The following REXO4 variants were observed in gnomAD, a reference collection of about 807,000 sequenced individuals.
REXO4 encodes RNA exonuclease 4.
Under a neutral mutation model 39.9 loss-of-function variants are expected in REXO4, and 29 were observed. The observed-to-expected ratio is 0.73, with a 90% CI of 0.54 to 0.99. The LOEUF (loss-of-function observed/expected upper bound fraction) is 0.99. Among genes scored for constraint, REXO4 ranks in the 50% least tolerant of loss-of-function variants. The pLI is 0.00. For synonymous variants in REXO4, 184 were observed against 206.2 expected, an observed-to-expected ratio of 0.89 and a Z score of 0.92; for missense variants, 524 against 546.5, an observed-to-expected ratio of 0.96 and a Z score of 0.41.
rs71503345 is a variant in REXO4 at position 133,408,934 on chromosome 9, T to TTGTGTGTGTGTGTGTG, written c.1000-108_1000-93dup. The TTGTGTGTGTGTGTGTG allele has an allele frequency of 2.6e-4, 85 of 322,006 alleles. 2 individuals are homozygous for TTGTGTGTGTGTGTGTG. Among genetic ancestry groups the TTGTGTGTGTGTGTGTG allele is most frequent in the African/African-American group, 2.2e-3 (64 of 29,416 alleles). 19.9% of individuals were successfully genotyped at this position (322,006 alleles called of 1,614,324 possible). A position where few individuals can be genotyped will look rare whatever the true frequency, so the allele number is the denominator to read the frequency against. On this transcript the variant is annotated intron_variant, in intron 5 of 7. Transcript: ENST00000371942. ...CCGCCACCTTTTGCAAGTAACATCTTTGTGTGTGTGTGTGTGTGTGTGTGT... is the reference window on the plus strand; with the variant it reads ...CCGCCACCTTTTGCAAGTAACATCTTTGTGTGTGTGTGTGTGTGTGTGTGTGTGTGTGTGTGTGTGT...
At chr9:133,407,262 G>C (rs1023755208) in intron 7 of REXO4, among the ~76,000 whole-genome samples, 190 bp from the exon 8 acceptor site, 6 of 152,130 alleles carry the variant, frequency 3.9e-5, no homozygotes, top group African/African-American at 1.4e-4. Context: ...ACGACCTGAT[G>C]GTCCCCACAC....
rs782051748 is a variant in REXO4, at chr9:133,407,873, C to A, written c.1083G>T (p.Arg361Ser). 3.1e-6 allele frequency: 5 copies of A among 1,613,618 alleles called. No homozygotes were observed. Among genetic ancestry groups the A allele is most frequent in the Non-Finnish European group, 4.2e-6 (5 of 1,179,828 alleles). The change falls in exon 7 of 8, where the codon AGG (arginine) becomes AGT (serine). Residue 361 changes from arginine (R) to serine (S), a missense_variant. Arg to Ser is a moderately radical substitution (Grantham distance 110). Coordinates refer to ENST00000371942, the MANE Select transcript of REXO4 (RefSeq NM_020385.4). Reference sequence around the variant, plus strand: ...TCTCTGAAAGTAGTCTCAGAGACGGCCTTCCACTCTGCAAAGGGGGAAGAG... The same window carrying A: ...TCTCTGAAAGTAGTCTCAGAGACGGACTTCCACTCTGCAAAGGGGGAAGAG... ...KPFKSQVKSG[R>S]PSLRLLSEKI...
At chr9:133,407,291 C>T (rs1389571302) in intron 7 of REXO4, among the ~76,000 whole-genome samples, 59 of 152,138 alleles carry the variant, frequency 3.9e-4, no homozygotes, top group Non-Finnish European at 1.5e-5. Flanking sequence ...CTCAGACACC[C>T]CTCCCAGGAG....
intron 6 of REXO4, 44 bp downstream of exon 6, chr9:133,408,724 C>CA (rs782182206): frequency 7.3e-7 from 1 of 1,371,698 alleles, no homozygotes; most frequent in South Asian, 1.2e-5. Context: ...AAGTGACCAG[C>CA]AAAACAGAAA....
In REXO4 at chr9:133,411,004, G is replaced by C. The variant is rs1839180715; in HGVS notation, c.980C>G (p.Ala327Gly). The change falls in exon 5 of 8, where the codon GCT becomes GGT. Residue 327 changes from alanine (A) to glycine (G), a missense_variant. Transcript: ENST00000371942. ...CAGTACCTTTAGGTCATTATGCAGA[G>C]CGTGCCCCACTAGAATTCTGCCCTT... Reference protein sequence around the residue: ...MLKGRILVGHALHNDLKVLFL... With the variant: ...MLKGRILVGHGLHNDLKVLFL... 1.2e-6 allele frequency: 2 copies of C among 1,614,054 alleles called. No individual in the cohort carries two copies. The highest frequency in any genetic ancestry group is 2.2e-5 in the South Asian group (2 of 91,082).
intron 7 of REXO4, 152 bp downstream of exon 7, chr9:133,407,655 G>C (rs111392717): frequency 1.7e-6 from 1 of 578,808 alleles, no homozygotes; most frequent in Non-Finnish European, 3.1e-6. Flanking sequence ...CCGTAACTCC[G>C]CTCTACCATT....
chr9:133,408,625 T>C, intron 6 of REXO4, 143 bp downstream of exon 6: 1 of 639,194 alleles, frequency 1.6e-6, no homozygotes, highest in South Asian at 1.7e-5. Context: ...AGAACTCTAT[T>C]TTTAAACATT....
Position 133,408,860 on chromosome 9 carries a change from A to G in REXO4, c.1000-18T>C, listed in dbSNP as rs2130708451. 6.7e-7 allele frequency: 1 copy of G among 1,499,296 alleles called. No homozygotes were observed. The highest frequency in any genetic ancestry group is 1.2e-5 in the South Asian group (1 of 86,158). 92.9% of individuals were successfully genotyped at this position (1,499,296 alleles called of 1,614,324 possible). On this transcript the variant is annotated intron_variant, in intron 5 of 7. Coordinates refer to ENST00000371942, the MANE Select transcript of REXO4 (RefSeq NM_020385.4). ...AATAGTACCTAGAAAAATAAAATATAATGATAATCATTTTCATTTTTGGTT... is the reference window on the plus strand; with the variant it reads ...AATAGTACCTAGAAAAATAAAATATGATGATAATCATTTTCATTTTTGGTT...
intron 1 of REXO4, 79 bp from the exon 2 acceptor site, chr9:133,415,090 T>G (rs1839496551): frequency 1.9e-5 from 22 of 1,133,192 alleles, no homozygotes; most frequent in Non-Finnish European, 2.8e-5. Context: ...TACGTGTGTA[T>G]GTATATACAC....
At chr9:133,408,457 TAA>T (rs35773096) in intron 6 of REXO4, among the ~76,000 whole-genome samples, 26 of 133,976 alleles carry the variant, frequency 1.9e-4, no homozygotes, top group Non-Finnish European at 2.1e-4. Flanking sequence ...AGACCCTGTC[TAA>T]AAAAAAAAAA....
At chr9:133,415,156 T>G in intron 1 of REXO4, 145 bp from the exon 2 acceptor site, 1 of 688,094 alleles carries the variant, frequency 1.5e-6, no homozygotes. Context: ...AAATTCATTT[T>G]CAAACGGTTT....
chr9:133,407,812 A>C lies in REXO4; in HGVS notation c.1144T>G (p.Cys382Gly), dbSNP rs868046876. Reference sequence around the variant, plus strand: ...ACCCCACAGGACACACTTACTGAACAGTGCTCCGCCTGCTGGACCTGGAGC... The same window carrying C: ...ACCCCACAGGACACACTTACTGAACCGTGCTCCGCCTGCTGGACCTGGAGC... ...LGLQVQQAEH[C>G]SIQDAQAAMR... is the part of the protein sequence containing the mutation. The change falls in exon 7 of 8, where the codon TGT becomes GGT. Residue 382 changes from cysteine to glycine, a missense_variant. Transcript: ENST00000371942. 2.5e-6 allele frequency: 4 copies of C among 1,613,706 alleles called. No individual in the cohort carries two copies. The highest frequency in any genetic ancestry group is 3.4e-6 in the Non-Finnish European group (4 of 1,179,818).
chr9:133,406,998 C>A lies in REXO4; in HGVS notation c.1224G>T (p.Arg408Ser). Residue 408 changes from arginine (R) to serine (S), a missense_variant, in exon 8 of 8, where the codon AGG (arginine) becomes AGT (serine). Arg to Ser is a moderately radical substitution (Grantham distance 110). Transcript: ENST00000371942. ...KKEWESMARDRRPLLTAPDHC... is the reference protein window; with the variant it reads ...KKEWESMARDSRPLLTAPDHC... ...GGTCTGGAGCAGTCAGCAGGGGGCGCCTGTCTCGGGCCATGCTCTCCCACT... is the reference window on the plus strand; with the variant it reads ...GGTCTGGAGCAGTCAGCAGGGGGCGACTGTCTCGGGCCATGCTCTCCCACT... 6.2e-7 allele frequency: 1 copy of A among 1,613,008 alleles called. No individual in the cohort carries two copies. Among genetic ancestry groups the A allele is most frequent in the Non-Finnish European group, 8.5e-7 (1 of 1,180,008 alleles).
rs1045195192 is a variant in REXO4, at chr9:133,413,405, T to C, written c.573-484A>G. Among the ~76,000 whole-genome samples the C allele has an allele frequency of 4.0e-4, 61 of 152,206 alleles. 1 individual carries two copies. The highest frequency in any genetic ancestry group is 3.3e-4 in the Admixed American group (5 of 15,278). On this transcript the variant is annotated intron_variant, in intron 2 of 7. Transcript: ENST00000371942. ...GTGTGAGTCACAGCACCTGGCCTCA[T>C]CTCTTTTCTTTTTAATTAGAAAATA... is the stretch of plus-strand genomic sequence containing the variant.
At chr9:133,407,905 G>A (rs781797881) in intron 6 of REXO4, 24 bp from the exon 7 acceptor site, 2 of 1,593,044 alleles carry the variant, frequency 1.3e-6, no homozygotes, top group Non-Finnish European at 1.7e-6. Flanking sequence ...AGAGGCGGGT[G>A]GGGGCCTCTG....
upstream of REXO4, chr9:133,418,132 C>T (rs1256973710): frequency 4.3e-6 from 2 of 463,074 alleles, no homozygotes; most frequent in Non-Finnish European, 7.7e-6. Context: ...CTTGGGCCGC[C>T]GCCTTAGCCA....
At chr9:133,411,954 A>G (rs1188445312) in intron 4 of REXO4, among the ~76,000 whole-genome samples, 1 of 152,104 alleles carries the variant, frequency 6.6e-6, no homozygotes, top group African/African-American at 2.4e-5. Flanking sequence ...TTTTTTAGAA[A>G]TGAGGTCTCG....
chr9:133,412,333 C>A lies in REXO4; in HGVS notation c.876G>T (p.Ala292=). 2 of 1,614,056 alleles carry A rather than the reference C, an allele frequency of 1.2e-6. No homozygotes were observed. Among genetic ancestry groups the A allele is most frequent in the Non-Finnish European group, 1.7e-6 (2 of 1,180,028 alleles). Residue 292 remains alanine (A), a synonymous_variant, in exon 4 of 8, where the codon GCG becomes GCT. Coordinates refer to ENST00000371942, the MANE Select transcript of REXO4 (RefSeq NM_020385.4). ...GGTTCTCAGGCCGAATCCCACTGAC[C>A]GCTGTCCTATAGTCCGTCACGGGCT... ...PTEPVTDYRT[A]VSGIRPENLK... is the part of the protein sequence containing the mutation.
At position 133,408,979 on chromosome 9, in the gene REXO4, T is replaced by C. The variant is rs587661788; in HGVS notation, c.1000-137A>G. 7 of 498,396 alleles carry C rather than the reference T, an allele frequency of 1.4e-5. No homozygotes were observed. The East Asian group carries it at 2.4e-4, about 17-fold the overall frequency. 30.9% of individuals were successfully genotyped at this position (498,396 alleles called of 1,614,324 possible). On this transcript the variant is annotated intron_variant, in intron 5 of 7. Coordinates refer to ENST00000371942, the MANE Select transcript of REXO4 (RefSeq NM_020385.4). ...GTGTGTGTGTGTGTGTGTGTGTGTGTGTGTGTGACGGAGTCTTGCTCTGTC... is the reference window on the plus strand; with the variant it reads ...GTGTGTGTGTGTGTGTGTGTGTGTGCGTGTGTGACGGAGTCTTGCTCTGTC...
Sources: gnomAD v4.1 joint callset for allele counts (sites outside exome capture counted in the v4.1 genomes callset) on GRCh38, gnomAD v4.1.1 for gene constraint, MANE v1.5 for transcripts, NCBI Gene and HGNC (gene_info 2026-07-23, HGNC 2026-07-21) for gene names.